LRRTM4: variants seen among roughly 807,000 people sequenced by gnomAD.
LRRTM4 encodes the protein leucine rich repeat transmembrane neuronal 4, also known as leucine-rich repeat transmembrane neuronal protein 4.
A neutral mutation model predicts 47.6 loss-of-function variants in LRRTM4; 25 were observed. The ratio of observed to expected loss-of-function variants is 0.53; its 90% confidence interval spans 0.38 to 0.73. The LOEUF (loss-of-function observed/expected upper bound fraction) is 0.73, where lower values mean the gene tolerates loss of function less well. Ranked by LOEUF, LRRTM4 falls within the 30% of genes least tolerant of loss-of-function variation. The probability of loss-of-function intolerance (pLI) is 0.00; values close to 1 mark genes in which losing one functional copy is unlikely to be tolerated. For synonymous variants in LRRTM4, 311 were observed against 269.5 expected (o/e 1.15, Z -1.51); for missense variants, 638 against 713.4 (o/e 0.89, Z 1.20).
chr2:77,349,323 T>C (rs1042647378), intron 3 of LRRTM4, among the ~76,000 whole-genome samples: 36 of 151,032 alleles, frequency 2.4e-4, no homozygotes, highest in African/African-American at 8.1e-4. Flanking sequence ...TATTCACAAC[T>C]ACAACAACAA....
At chr2:77,205,290 C>A (rs1277300846) in intron 3 of LRRTM4, among the ~76,000 whole-genome samples, 1 of 151,810 alleles carries the variant, frequency 6.6e-6, no homozygotes, top group Non-Finnish European at 1.5e-5. Flanking sequence ...AATCAGAAAC[C>A]AAGAAAATAG....
At chr2:76,798,403 G>T (rs183804723) in intron 3 of LRRTM4, among the ~76,000 whole-genome samples, 3 of 151,506 alleles carry the variant, frequency 2.0e-5, no homozygotes, top group African/African-American at 4.9e-5. Flanking sequence ...TGAAACCAAC[G>T]AGAACAAAGA....
intron 3 of LRRTM4, among the ~76,000 whole-genome samples, chr2:76,880,486 G>A (rs538903783): frequency 6.6e-6 from 1 of 152,092 alleles, no homozygotes; most frequent in East Asian, 1.9e-4. Flanking sequence ...TGGTAAACTA[G>A]AGTAGAGTTT....
intron 3 of LRRTM4, among the ~76,000 whole-genome samples, chr2:76,751,542 A>G (rs78205907): frequency 0.066 from 10,049 of 152,188 alleles, 724 homozygotes; most frequent in East Asian, 0.31. Context: ...GTAAAGTGAC[A>G]TGGCCGAATT....
At chr2:77,076,109 C>G (rs1029544559) in intron 3 of LRRTM4, among the ~76,000 whole-genome samples, 1 of 151,980 alleles carries the variant, frequency 6.6e-6, no homozygotes, top group Non-Finnish European at 1.5e-5. Flanking sequence ...TTTTCATTCT[C>G]TTGGAGCCAT....
rs568743557 is a variant in LRRTM4, at chr2:77,101,595, T to C, written c.1552-352679A>G. Reference sequence around the variant, plus strand: ...ACATTTCTAAATCTAGTTATGCTCTTTATTTACCTATTGCCTGGCAGTCCA... The same window carrying C: ...ACATTTCTAAATCTAGTTATGCTCTCTATTTACCTATTGCCTGGCAGTCCA... On this transcript the variant is annotated intron_variant, in intron 3 of 3. Coordinates refer to ENST00000409884, the MANE Select transcript of LRRTM4 (RefSeq NM_001134745.3). 4.6e-5 allele frequency among the ~76,000 whole-genome samples: 7 copies of C among 152,324 alleles called. No individual in the cohort carries two copies. The East Asian group carries it at 7.7e-4, about 17-fold the overall frequency.
At chr2:77,174,622 G>T (rs1673140634) in intron 3 of LRRTM4, among the ~76,000 whole-genome samples, 1 of 152,148 alleles carries the variant, frequency 6.6e-6, no homozygotes, top group Non-Finnish European at 1.5e-5. Flanking sequence ...AGGGAATAAG[G>T]AGGGAGGCTG....
chr2:77,129,234 T>C (rs1307643061), intron 3 of LRRTM4, among the ~76,000 whole-genome samples: 1 of 152,178 alleles, frequency 6.6e-6, no homozygotes, highest in Non-Finnish European at 1.5e-5. Flanking sequence ...TTTTTTTCTT[T>C]GGTGTAAGGC....
chr2:76,958,406 G>C (rs539260500), intron 3 of LRRTM4, among the ~76,000 whole-genome samples: 41 of 151,842 alleles, frequency 2.7e-4, no homozygotes, highest in African/African-American at 8.7e-4. Flanking sequence ...AAAGAGCTGC[G>C]CTTGTAACGC....
At chr2:76,800,871 C>A (rs1291011223) in intron 3 of LRRTM4, among the ~76,000 whole-genome samples, 2 of 150,800 alleles carry the variant, frequency 1.3e-5, no homozygotes, top group Non-Finnish European at 3.0e-5. Flanking sequence ...CATCACTGGC[C>A]ATCAGAAAAT....
chr2:77,030,991 A>T (rs1678632333), intron 3 of LRRTM4, among the ~76,000 whole-genome samples: 1 of 152,210 alleles, frequency 6.6e-6, no homozygotes, highest in South Asian at 2.1e-4. Context: ...TAAGAGATTC[A>T]CTGGACAGTG....
At chr2:77,278,671 C>T (rs1203182156) in intron 3 of LRRTM4, among the ~76,000 whole-genome samples, 3 of 151,958 alleles carry the variant, frequency 2.0e-5, no homozygotes, top group Non-Finnish European at 4.4e-5. Context: ...CCCCATATAG[C>T]TGAAGAGGAA....
At chr2:76,792,201 A>G (rs1388933118) in intron 3 of LRRTM4, among the ~76,000 whole-genome samples, 2 of 152,188 alleles carry the variant, frequency 1.3e-5, no homozygotes, top group Non-Finnish European at 2.9e-5. Context: ...CTTTACCTGT[A>G]GTATAATTAT....
chr2:77,410,331 T>C (rs1270605413), intron 3 of LRRTM4, among the ~76,000 whole-genome samples: 1 of 152,170 alleles, frequency 6.6e-6, no homozygotes, highest in East Asian at 1.9e-4. Flanking sequence ...GTTGTGATTT[T>C]TAAGGTCTAT....
chr2:77,143,027 G>A (rs1424517128), intron 3 of LRRTM4, among the ~76,000 whole-genome samples: 1 of 152,052 alleles, frequency 6.6e-6, no homozygotes, highest in Non-Finnish European at 1.5e-5. Context: ...GAGACACAAA[G>A]ATGAACACCC....
intron 3 of LRRTM4, among the ~76,000 whole-genome samples, chr2:77,089,299 C>A (rs1048474371): frequency 6.7e-6 from 1 of 149,138 alleles, no homozygotes; most frequent in African/African-American, 2.5e-5. Context: ...AACCCCTTCT[C>A]CTTCACTCTT....
At chr2:77,374,882 A>T (rs1553436129) in intron 3 of LRRTM4, among the ~76,000 whole-genome samples, 3 of 151,028 alleles carry the variant, frequency 2.0e-5, no homozygotes, top group Non-Finnish European at 4.4e-5. Context: ...AAAGTTACTA[A>T]TTTTTTTTTC....
At position 77,067,220 on chromosome 2, in the gene LRRTM4, GAAAGA is replaced by G. The variant is rs143908790; in HGVS notation, c.1552-318309_1552-318305del. Among the ~76,000 whole-genome samples the G allele has an allele frequency of 9.8e-3, 1,498 of 152,086 alleles. 27 individuals carry two copies. The highest frequency in any genetic ancestry group is 0.034 in the African/African-American group (1,398 of 41,482). ...TCTAATTTTTATTAAAATGACTGAAGAAAGAAAAGAATGGACAACATGTAAAGCAC... is the reference window on the plus strand; with the variant it reads ...TCTAATTTTTATTAAAATGACTGAAGAAAGAATGGACAACATGTAAAGCAC... On this transcript the variant is annotated intron_variant, in intron 3 of 3. Coordinates refer to ENST00000409884, the MANE Select transcript of LRRTM4 (RefSeq NM_001134745.3).
At chr2:77,420,388 C>A (rs1674828151) in intron 3 of LRRTM4, among the ~76,000 whole-genome samples, 1 of 151,984 alleles carries the variant, frequency 6.6e-6, no homozygotes, top group Non-Finnish European at 1.5e-5. Flanking sequence ...TGTGTCCAGC[C>A]CACACTCAAA....
Sources: allele counts gnomAD v4.1 joint callset (sites outside exome capture counted in the v4.1 genomes callset), GRCh38; gene constraint gnomAD v4.1.1; transcripts MANE v1.5; gene names NCBI Gene and HGNC (gene_info 2026-07-23, HGNC 2026-07-21).